The following CPAMD8 variants were observed in gnomAD, a reference collection of about 807,000 sequenced individuals.
CPAMD8 encodes the protein C3 and PZP like alpha-2-macroglobulin domain containing 8.
Under a neutral mutation model 224.7 loss-of-function variants are expected in CPAMD8, and 146 were observed. That is an observed-to-expected ratio of 0.65 (90% CI 0.57 to 0.75). The LOEUF (loss-of-function observed/expected upper bound fraction) is 0.75. Ranked by LOEUF, CPAMD8 falls within the 30% of genes least tolerant of loss-of-function variation. The pLI, the probability that CPAMD8 is intolerant of heterozygous loss-of-function variation, is 0.00. For missense variants in CPAMD8, 2,301 were observed against 2,537.5 expected, an observed-to-expected ratio of 0.91 and a Z score of 2.00; for synonymous variants, 966 against 1,044.6, an observed-to-expected ratio of 0.92 and a Z score of 1.45.
intron 30 of CPAMD8, among the ~76,000 whole-genome samples, chr19:16,905,569 GA>G (rs397955787): frequency 0.24 from 22,165 of 92,876 alleles, 1,071 homozygotes; most frequent in Middle Eastern, 0.31. Flanking sequence ...AGGAAGAAAA[GA>G]AAAAAAAAAA....
At position 16,956,579 on chromosome 19, in the gene CPAMD8, T is replaced by C. The variant is rs188327018; in HGVS notation, c.2276+1274A>G. ...GAGCAGTAGCTCACACCTGTAATTC[T>C]AACACGTTGAGAGGCCAAGACAGGA... On this transcript the variant is annotated intron_variant, in intron 19 of 41. Coordinates refer to ENST00000443236, the MANE Select transcript of CPAMD8 (RefSeq NM_015692.5). Among the ~76,000 whole-genome samples the C allele has an allele frequency of 2.2e-4, 33 of 152,264 alleles. No individual in the cohort carries two copies. The East Asian group carries it at 6.4e-3, about 29-fold the overall frequency.
At chr19:17,025,487 T>C (rs1291308648) in intron 1 of CPAMD8, among the ~76,000 whole-genome samples, 1 of 152,176 alleles carries the variant, frequency 6.6e-6, no homozygotes, top group East Asian at 1.9e-4. Context: ...GGGTCTCTCA[T>C]TGGAGCCAAG....
chr19:16,939,834 G>C (rs1450601826), intron 22 of CPAMD8, among the ~76,000 whole-genome samples: 1 of 152,050 alleles, frequency 6.6e-6, no homozygotes, highest in Non-Finnish European at 1.5e-5. Flanking sequence ...CAGCTCTCAG[G>C]CCTTCCAGCT....
At chr19:16,938,367 CT>C in intron 23 of CPAMD8, 27 bp downstream of exon 23, 1 of 1,457,864 alleles carries the variant, frequency 6.9e-7, no homozygotes, top group Non-Finnish European at 9.3e-7. Context: ...GTGGCCACAC[CT>C]TAGCAGAATG....
chr19:17,010,621 G>A (rs957328748), intron 5 of CPAMD8, among the ~76,000 whole-genome samples: 4 of 152,042 alleles, frequency 2.6e-5, no homozygotes, highest in African/African-American at 9.7e-5. Flanking sequence ...CAAGTGTTCA[G>A]GGCCAGAGAG....
chr19:16,896,102 G>A (rs774604070), intron 41 of CPAMD8, 74 bp downstream of exon 41: 1 of 1,550,524 alleles, frequency 6.4e-7, no homozygotes. Context: ...GTCGTCGGGG[G>A]AGGTTGGTAG....
chr19:16,979,625 T>TCCA (rs2055435186), intron 14 of CPAMD8, among the ~76,000 whole-genome samples: 2 of 151,854 alleles, frequency 1.3e-5, no homozygotes, highest in Admixed American at 6.6e-5. Context: ...CATCCATCCA[T>TCCA]TCATCCATCT....
intron 17 of CPAMD8, among the ~76,000 whole-genome samples, chr19:16,974,830 C>G (rs763414957): frequency 3.9e-5 from 6 of 151,984 alleles, no homozygotes; most frequent in Non-Finnish European, 8.8e-5. Context: ...ATAAAATTAG[C>G]CAGGTGTGGT....
At chr19:16,926,616 C>T (rs1281878273) in intron 25 of CPAMD8, among the ~76,000 whole-genome samples, 1 of 152,132 alleles carries the variant, frequency 6.6e-6, no homozygotes, top group Non-Finnish European at 1.5e-5. Flanking sequence ...ACGCCTGGCC[C>T]CTTCTTTCTT....
intron 18 of CPAMD8, among the ~76,000 whole-genome samples, chr19:16,969,808 A>G (rs1317746276): frequency 1.4e-5 from 2 of 140,196 alleles, no homozygotes; most frequent in Non-Finnish European, 3.0e-5. Flanking sequence ...TGGGAGGTGG[A>G]GGTTGCAGTG....
intron 35 of CPAMD8, among the ~76,000 whole-genome samples, chr19:16,902,340 C>T (rs1374040865): frequency 1.3e-5 from 2 of 152,042 alleles, no homozygotes; most frequent in South Asian, 4.1e-4. Flanking sequence ...CATGGTGAAA[C>T]CCTGTATCTA....
At position 16,892,962 on chromosome 19, in the gene CPAMD8, TC is replaced by T. The variant is rs1306809138; in HGVS notation, c.*145del. 1 of 763,216 alleles carries T rather than the reference TC, an allele frequency of 1.3e-6. No individual in the cohort carries two copies. The highest frequency in any genetic ancestry group is 2.4e-6 in the Non-Finnish European group (1 of 414,532). 47.3% of individuals were successfully genotyped at this position (763,216 alleles called of 1,614,324 possible). On this transcript the variant is annotated 3_prime_UTR_variant, in exon 42 of 42. Transcript: ENST00000443236. ...TGCACCCCAGAACATGTGAGTAAGA[TC>T]AGTAACGTGTATTCTTGTCAATATC...
At chr19:16,996,904 G>A (rs567659921) in intron 11 of CPAMD8, among the ~76,000 whole-genome samples, 2 of 151,620 alleles carry the variant, frequency 1.3e-5, no homozygotes, top group South Asian at 4.2e-4. Context: ...TCAGATGTCT[G>A]TCCAAGTGGA....
In CPAMD8 at chr19:16,896,062, G is replaced by GGTCGGGGCGGGGCGGAGGA. The variant is rs752054164; in HGVS notation, c.5426+95_5426+113dup. Reference sequence around the variant, plus strand: ...TGAGTCACTCCCACTGCCAGTGGGGGGTCGGGGCGGGGCGGAGGAGTCGGG... The same window carrying GGTCGGGGCGGGGCGGAGGA: ...TGAGTCACTCCCACTGCCAGTGGGGGGTCGGGGCGGGGCGGAGGAGTCGGGGCGGGGCGGAGGAGTCGGG... On this transcript the variant is annotated intron_variant, in intron 41 of 41. Coordinates refer to ENST00000443236, the MANE Select transcript of CPAMD8 (RefSeq NM_015692.5). 31 of 1,177,176 alleles carry GGTCGGGGCGGGGCGGAGGA rather than the reference G, an allele frequency of 2.6e-5. No individual in the cohort carries two copies. In the South Asian group the frequency reaches 2.9e-4, roughly 11 times the overall value. 72.9% of individuals were successfully genotyped at this position (1,177,176 alleles called of 1,614,324 possible).
In CPAMD8 at chr19:16,971,005, C is replaced by A; in HGVS notation, c.2099G>T (p.Arg700Leu). ...GTCCTGCCGGTGGTTCAGGCTCACT[C>A]GGTCGGTCATCACCACCAGTCCCGT... ...TETGLVVMTD[R>L]VSLNHRQDGG... The change falls in exon 18 of 42, where the codon CGA becomes CTA. Residue 700 changes from arginine to leucine, a missense_variant. Arg to Leu is a moderately radical substitution (Grantham distance 102). Coordinates refer to ENST00000443236, the MANE Select transcript of CPAMD8 (RefSeq NM_015692.5). 1 of 1,611,464 alleles carries A rather than the reference C, an allele frequency of 6.2e-7. No homozygotes were observed. Among genetic ancestry groups the A allele is most frequent in the Non-Finnish European group, 8.5e-7 (1 of 1,178,788 alleles).
At chr19:17,018,907 C>CAAAA (rs769554399) in intron 3 of CPAMD8, among the ~76,000 whole-genome samples, 4 of 93,728 alleles carry the variant, frequency 4.3e-5, no homozygotes, top group Non-Finnish European at 6.3e-5. Context: ...GACTTCATCT[C>CAAAA]AAAAAAAAAA....
chr19:16,898,036 G>T lies in CPAMD8; in HGVS notation c.4849-42C>A. ...GGCGCAGGCTCGACCCGGGCCAGGAGGCCCGGGGCGCTGAGCTCAGGCCCA... is the reference window on the plus strand; with the variant it reads ...GGCGCAGGCTCGACCCGGGCCAGGATGCCCGGGGCGCTGAGCTCAGGCCCA... On this transcript the variant is annotated intron_variant, in intron 37 of 41. Coordinates refer to ENST00000443236, the MANE Select transcript of CPAMD8 (RefSeq NM_015692.5). The surrounding 1 kb of genome is among the most constrained non-coding windows in gnomAD (Gnocchi z 4.2). The T allele has an allele frequency of 1.4e-6, 2 of 1,479,466 alleles. No homozygotes were observed. Among genetic ancestry groups the T allele is most frequent in the Non-Finnish European group, 1.8e-6 (2 of 1,086,472 alleles). The allele number at this position is 1,479,466 out of a possible 1,614,324, so 91.6% of individuals were successfully genotyped here.
chr19:16,929,701 C>A, intron 23 of CPAMD8, among the ~76,000 whole-genome samples: 1 of 152,088 alleles, frequency 6.6e-6, no homozygotes, highest in East Asian at 1.9e-4. Flanking sequence ...AAAAAACAAG[C>A]AAGATTCTCT....
rs575847777 is a variant in CPAMD8, at chr19:16,988,105, C to T, written c.1395+1538G>A. Among the ~76,000 whole-genome samples the T allele has an allele frequency of 5.3e-5, 8 of 152,270 alleles. No homozygotes were observed. In the South Asian group the frequency reaches 1.5e-3, roughly 28 times the overall value. ...TAATAGACCCAGGAAAAATGAATGG[C>T]AGACACGGCTCTAAATTTACCTTGT... On this transcript the variant is annotated intron_variant, in intron 13 of 41. Coordinates refer to ENST00000443236, the MANE Select transcript of CPAMD8 (RefSeq NM_015692.5).
Sources: gnomAD v4.1 joint callset for allele counts (sites outside exome capture counted in the v4.1 genomes callset) on GRCh38, gnomAD v4.1.1 for gene constraint, Gnocchi (gnomAD v3.1) non-coding constraint, MANE v1.5 for transcripts, NCBI Gene and HGNC (gene_info 2026-07-23, HGNC 2026-07-21) for gene names.